The following FBXW7 variants were observed in gnomAD, a reference collection of about 807,000 sequenced individuals.
The protein encoded by FBXW7 is F-box and WD repeat domain containing 7.
Under a neutral mutation model 86.3 loss-of-function variants are expected in FBXW7, and 11 were observed. The ratio of observed to expected loss-of-function variants is 0.13; its 90% confidence interval spans 0.08 to 0.21. The LOEUF is 0.21. Among genes scored for constraint, FBXW7 ranks in the 10% least tolerant of loss-of-function variants. FBXW7 has a pLI of 1.00. For synonymous variants in FBXW7, 313 were observed against 297.9 expected (o/e 1.05, Z -0.52); for missense variants, 488 against 847.4 (o/e 0.58, Z 5.27).
At chr4:152,342,935 T>C (rs1730887636) in intron 6 of FBXW7, among the ~76,000 whole-genome samples, 1 of 152,210 alleles carries the variant, frequency 6.6e-6, no homozygotes, top group Non-Finnish European at 1.5e-5. Context: ...TTTAAATCAC[T>C]GTGTCCCAAA....
At chr4:152,422,094 A>T (rs1739003411) in intron 2 of FBXW7, among the ~76,000 whole-genome samples, 1 of 152,160 alleles carries the variant, frequency 6.6e-6, no homozygotes, top group Admixed American at 6.5e-5. Context: ...TTAAAAAAAA[A>T]ATCAGAAGCA....
intron 2 of FBXW7, among the ~76,000 whole-genome samples, chr4:152,432,741 G>A (rs1393781067): frequency 2.6e-5 from 4 of 152,202 alleles, no homozygotes; most frequent in African/African-American, 9.7e-5. Context: ...GAACCTGGGA[G>A]GCACAGGTTG....
intron 4 of FBXW7, among the ~76,000 whole-genome samples, chr4:152,357,318 G>GT (rs527717602): frequency 2.1e-3 from 320 of 150,816 alleles, no homozygotes; most frequent in Admixed American, 0.015. Flanking sequence ...AGAAGTAGTA[G>GT]TTTTTTCTTT....
chr4:152,513,848 C>T (rs1448611290), intron 2 of FBXW7, among the ~76,000 whole-genome samples: 1 of 152,212 alleles, frequency 6.6e-6, no homozygotes, highest in Non-Finnish European at 1.5e-5. Flanking sequence ...AGTCCACATG[C>T]TATTGTCTTT....
chr4:152,454,257 C>CCG (rs1341361034), intron 2 of FBXW7, among the ~76,000 whole-genome samples: 1 of 129,178 alleles, frequency 7.7e-6, no homozygotes, highest in African/African-American at 2.8e-5. Flanking sequence ...CTAAGCCCCC[C>CCG]CCCCCTTTTT....
chr4:152,348,591 A>G (rs1225182336), intron 5 of FBXW7: 3 of 283,700 alleles, frequency 1.1e-5, no homozygotes, highest in Non-Finnish European at 1.7e-5. Flanking sequence ...CTAAAGACAA[A>G]TTTTACTAAA....
At chr4:152,435,968 C>T (rs1175088307) in intron 2 of FBXW7, among the ~76,000 whole-genome samples, 2 of 152,232 alleles carry the variant, frequency 1.3e-5, no homozygotes, top group East Asian at 3.9e-4. Context: ...CCATGGAAGA[C>T]GGCAAAAATG....
At chr4:152,465,323 A>G (rs1409138409) in intron 2 of FBXW7, among the ~76,000 whole-genome samples, 1 of 152,220 alleles carries the variant, frequency 6.6e-6, no homozygotes, top group Non-Finnish European at 1.5e-5. Context: ...AGAATCGGAT[A>G]TAAAAGCTAT....
chr4:152,372,555 A>T (rs1418883959), intron 4 of FBXW7, among the ~76,000 whole-genome samples: 1 of 151,982 alleles, frequency 6.6e-6, no homozygotes, highest in Non-Finnish European at 1.5e-5. Context: ...CTTTATTTTT[A>T]AATTTTCAGT....
chr4:152,438,999 G>C (rs1411195088), intron 2 of FBXW7, among the ~76,000 whole-genome samples: 2 of 152,130 alleles, frequency 1.3e-5, no homozygotes, highest in Non-Finnish European at 2.9e-5. Context: ...TGTCACTTTA[G>C]TCCAAAATTT....
chr4:152,384,065 G>A (rs1322741450), intron 4 of FBXW7, among the ~76,000 whole-genome samples: 1 of 152,116 alleles, frequency 6.6e-6, no homozygotes, highest in Non-Finnish European at 1.5e-5. Context: ...GAACCCTTGT[G>A]CATCCTTGGC....
intron 2 of FBXW7, among the ~76,000 whole-genome samples, chr4:152,429,195 A>T (rs1739660123): frequency 6.6e-6 from 1 of 152,188 alleles, no homozygotes; most frequent in East Asian, 1.9e-4. Context: ...CATCTCAAAA[A>T]AAAGAGAACA....
intron 2 of FBXW7, among the ~76,000 whole-genome samples, chr4:152,448,880 G>A (rs576986000): frequency 6.6e-6 from 1 of 152,256 alleles, no homozygotes; most frequent in Non-Finnish European, 1.5e-5. Context: ...TAACAAAGGA[G>A]CAAACTCAAG....
At chr4:152,527,842 T>C (rs1197090557) in intron 2 of FBXW7, among the ~76,000 whole-genome samples, 1 of 150,212 alleles carries the variant, frequency 6.7e-6, no homozygotes, top group African/African-American at 2.5e-5. Flanking sequence ...TCAGGAATTT[T>C]TGTTAAAAAT....
rs537455313 is a variant in FBXW7 at position 152,360,854 on chromosome 4, A to T, written c.502-10730T>A. 6.9e-4 allele frequency among the ~76,000 whole-genome samples: 102 copies of T among 147,566 alleles called. 1 individual carries two copies. Among genetic ancestry groups the T allele is most frequent in the Non-Finnish European group, 7.9e-4 (53 of 66,814 alleles). ...TATATTAAATATATATATATATATA[A>T]AATATAGTAAAATGCCAGCCAACAT... is the stretch of plus-strand genomic sequence containing the variant. On this transcript the variant is annotated intron_variant, in intron 4 of 13. Transcript: ENST00000281708.
rs542328179 is a variant in FBXW7, at chr4:152,478,032, A to T, written c.-120+56909T>A. Among the ~76,000 whole-genome samples, 17 of 152,282 alleles carry T rather than the reference A, an allele frequency of 1.1e-4. No homozygotes were observed. In the South Asian group the frequency reaches 3.5e-3, roughly 32 times the overall value. ...AGTGAAAATATTTTTCACAAGTAAC[A>T]TCAAAATACAAACTTTTACTTTAAA... On this transcript the variant is annotated intron_variant, in intron 2 of 13. Transcript: ENST00000281708.
rs763132391 is a variant in FBXW7, at chr4:152,505,743, A to ATTT, written c.-120+29195_-120+29197dup. ...AGGGCCTTCTTGAGGCTGTTTTGCA[A>ATTT]TTTTTTTTTTTTTTTTGAGGTAGAG... On this transcript the variant is annotated intron_variant, in intron 2 of 13. Transcript: ENST00000281708. 6.2e-4 allele frequency among the ~76,000 whole-genome samples: 88 copies of ATTT among 142,058 alleles called. 1 individual carries two copies. Among genetic ancestry groups the ATTT allele is most frequent in the Admixed American group, 3.0e-3 (43 of 14,186 alleles). The allele number at this position is 142,058 out of a possible 152,430, so 93.2% of individuals were successfully genotyped here.
chr4:152,467,221 C>T (rs1743535211), intron 2 of FBXW7, among the ~76,000 whole-genome samples: 1 of 152,104 alleles, frequency 6.6e-6, no homozygotes, highest in Non-Finnish European at 1.5e-5. Context: ...ATGATGACCT[C>T]CATGCTGTTC....
At chr4:152,413,788 A>C (rs1406780384) in intron 2 of FBXW7, among the ~76,000 whole-genome samples, 1 of 152,176 alleles carries the variant, frequency 6.6e-6, no homozygotes, top group African/African-American at 2.4e-5. Flanking sequence ...ATGACATTTC[A>C]TCTTTTTTGA....
Sources: gnomAD v4.1 joint callset for allele counts (sites outside exome capture counted in the v4.1 genomes callset) on GRCh38, gnomAD v4.1.1 for gene constraint, MANE v1.5 for transcripts, NCBI Gene and HGNC (gene_info 2026-07-23, HGNC 2026-07-21) for gene names.